EYS: variants seen among roughly 807,000 people sequenced by gnomAD.
EYS encodes protein eyes shut homolog.
In EYS, 250 loss-of-function variants were observed where a neutral mutation model predicts 282.1. The observed-to-expected ratio is 0.89, with a 90% CI of 0.80 to 0.98. The LOEUF (loss-of-function observed/expected upper bound fraction) is 0.98, where lower values mean the gene tolerates loss of function less well. Among genes scored for constraint, EYS ranks in the 50% least tolerant of loss-of-function variants. EYS has a pLI of 0.00. For synonymous variants in EYS, 1,355 were observed against 1,282.9 expected, an observed-to-expected ratio of 1.06 and a Z score of -1.20; for missense variants, 4,016 against 3,709.0, an observed-to-expected ratio of 1.08 and a Z score of -2.15.
intron 13 of EYS, among the ~76,000 whole-genome samples, chr6:65,052,206 C>G (rs1773291851): frequency 6.6e-6 from 1 of 151,258 alleles, no homozygotes; most frequent in African/African-American, 2.4e-5. Flanking sequence ...CCATTTAGTT[C>G]TGGGGGAAAG....
intron 10 of EYS, among the ~76,000 whole-genome samples, chr6:65,340,735 C>T (rs1171113372): frequency 6.6e-6 from 1 of 151,222 alleles, no homozygotes; most frequent in Non-Finnish European, 1.5e-5. Flanking sequence ...TAAGACTCTA[C>T]TAAGGTGTTG....
chr6:65,395,358 C>G (rs756230842), intron 7 of EYS, among the ~76,000 whole-genome samples: 3 of 152,180 alleles, frequency 2.0e-5, no homozygotes, highest in Non-Finnish European at 4.4e-5. Flanking sequence ...CCACTGCGCC[C>G]AGCAATCTCA....
At chr6:64,561,037 T>C (rs1414570730) in intron 26 of EYS, among the ~76,000 whole-genome samples, 1 of 152,144 alleles carries the variant, frequency 6.6e-6, no homozygotes, top group Admixed American at 6.6e-5. Context: ...TGGTTCAACA[T>C]ACACAAATCA....
intron 42 of EYS, among the ~76,000 whole-genome samples, chr6:63,724,760 T>TA (rs1768548102): frequency 6.6e-6 from 1 of 152,168 alleles, no homozygotes; most frequent in Admixed American, 6.5e-5. Context: ...TCTAAAGAGA[T>TA]ACAGAAACCA....
At chr6:65,685,927 C>T (rs1456946514) in intron 1 of EYS, among the ~76,000 whole-genome samples, 1 of 151,914 alleles carries the variant, frequency 6.6e-6, no homozygotes, top group Admixed American at 6.6e-5. Flanking sequence ...AAGGTAAGTA[C>T]AGAAGACCAT....
At chr6:64,023,828 G>A (rs865978407) in intron 33 of EYS, among the ~76,000 whole-genome samples, 11 of 152,228 alleles carry the variant, frequency 7.2e-5, no homozygotes, top group Non-Finnish European at 1.5e-4. Context: ...GCGGGCCAGC[G>A]CGAGTTCCAG....
At chr6:64,838,504 T>G (rs1242773257) in intron 19 of EYS, among the ~76,000 whole-genome samples, 1 of 151,870 alleles carries the variant, frequency 6.6e-6, no homozygotes, top group Non-Finnish European at 1.5e-5. Context: ...GCTGATCTGA[T>G]TGAAATTTCT....
chr6:64,013,098 T>C (rs138131970), intron 33 of EYS, among the ~76,000 whole-genome samples: 216 of 152,236 alleles, frequency 1.4e-3, no homozygotes, highest in African/African-American at 4.8e-3. Flanking sequence ...CATTTTCCTG[T>C]GATGTACTGA....
At chr6:64,878,104 G>T (rs1423910521) in intron 19 of EYS, among the ~76,000 whole-genome samples, 1 of 151,962 alleles carries the variant, frequency 6.6e-6, no homozygotes, top group Non-Finnish European at 1.5e-5. Flanking sequence ...GTGGTGGCGA[G>T]CACCCGTAAT....
At chr6:64,197,136 T>G (rs1018637058) in intron 31 of EYS, among the ~76,000 whole-genome samples, 13 of 152,210 alleles carry the variant, frequency 8.5e-5, no homozygotes, top group South Asian at 8.3e-4. Context: ...TCAAATTATT[T>G]TTATACTATC....
At chr6:65,144,462 A>G (rs1385238949) in intron 12 of EYS, among the ~76,000 whole-genome samples, 1 of 152,158 alleles carries the variant, frequency 6.6e-6, no homozygotes, top group East Asian at 1.9e-4. Context: ...GGAAAAATTT[A>G]AAGAGAGAAA....
chr6:65,443,167 C>G (rs1683783162), intron 5 of EYS, among the ~76,000 whole-genome samples: 1 of 143,954 alleles, frequency 6.9e-6, no homozygotes, highest in African/African-American at 2.4e-5. Context: ...CATATATGAG[C>G]ACATATGTGC....
intron 22 of EYS, among the ~76,000 whole-genome samples, chr6:64,762,433 C>A (rs1233441028): frequency 6.6e-6 from 1 of 152,128 alleles, no homozygotes; most frequent in Admixed American, 6.5e-5. Context: ...CAACTTGGAG[C>A]AAATATCAGT....
chr6:65,607,371 C>A (rs1034026857), intron 2 of EYS, among the ~76,000 whole-genome samples: 1 of 151,774 alleles, frequency 6.6e-6, no homozygotes, highest in Non-Finnish European at 1.5e-5. Context: ...TAAAGTTATT[C>A]TTTCTCAAGT....
chr6:65,589,126 C>T (rs1582489923), intron 2 of EYS, among the ~76,000 whole-genome samples: 3 of 151,994 alleles, frequency 2.0e-5, no homozygotes, highest in East Asian at 3.9e-4. Flanking sequence ...TCCTCATGCC[C>T]TGTGACTTCC....
chr6:63,814,297 C>T (rs1771123414), intron 36 of EYS, among the ~76,000 whole-genome samples: 1 of 152,176 alleles, frequency 6.6e-6, no homozygotes, highest in Non-Finnish European at 1.5e-5. Context: ...GTAGCCTGCA[C>T]AGAAAACATA....
At chr6:63,781,396 C>G (rs1049725687) in intron 39 of EYS, among the ~76,000 whole-genome samples, 4 of 152,146 alleles carry the variant, frequency 2.6e-5, no homozygotes, top group African/African-American at 9.7e-5. Context: ...GAATGTTCTT[C>G]CATTTGTTTG....
chr6:64,965,624 C>T (rs1188182637), intron 14 of EYS, among the ~76,000 whole-genome samples: 1 of 151,908 alleles, frequency 6.6e-6, no homozygotes, highest in African/African-American at 2.4e-5. Flanking sequence ...GAGTTTTATA[C>T]TTTTTATATA....
At chr6:65,391,652 C>T (rs62407666) in intron 7 of EYS, among the ~76,000 whole-genome samples, 31,257 of 151,694 alleles carry the variant, frequency 0.21, 3,353 homozygotes, top group South Asian at 0.35. Context: ...TACAAACCAC[C>T]GCTCAAGGAA....
Sources: allele counts gnomAD v4.1 joint callset (sites outside exome capture counted in the v4.1 genomes callset), GRCh38; gene constraint gnomAD v4.1.1; transcripts MANE v1.5; gene names NCBI Gene and HGNC (gene_info 2026-07-23, HGNC 2026-07-21).